The following MCMDC2 variants were observed in gnomAD, a reference collection of about 807,000 sequenced individuals.
The protein encoded by MCMDC2 is minichromosome maintenance domain containing 2, also known as minichromosome maintenance domain-containing protein 2.
Under a neutral mutation model 75.8 loss-of-function variants are expected in MCMDC2, and 54 were observed. That is an observed-to-expected ratio of 0.71 (90% CI 0.57 to 0.89). MCMDC2 has a LOEUF of 0.89. Among genes scored for constraint, MCMDC2 ranks in the 40% least tolerant of loss-of-function variants. MCMDC2 has a pLI of 0.00. For missense variants in MCMDC2, 656 were observed against 780.4 expected, an observed-to-expected ratio of 0.84 and a Z score of 1.90; for synonymous variants, 249 against 274.6, an observed-to-expected ratio of 0.91 and a Z score of 0.92.
At chr8:66,876,520 C>G (rs1324822157) in intron 4 of MCMDC2, among the ~76,000 whole-genome samples, 1 of 152,038 alleles carries the variant, frequency 6.6e-6, no homozygotes, top group Non-Finnish European at 1.5e-5. Flanking sequence ...GGGGTCCCTT[C>G]AAGGTTGCTC....
Position 66,881,762 on chromosome 8 carries a change from T to C in MCMDC2, c.835+788T>C, listed in dbSNP as rs189772771. ...AATCAAGAAATAAGATAAAGGCAGATGAGGACCAAAATATCACCTTTATTA... is the reference window on the plus strand; with the variant it reads ...AATCAAGAAATAAGATAAAGGCAGACGAGGACCAAAATATCACCTTTATTA... On this transcript the variant is annotated intron_variant, in intron 8 of 14. Transcript: ENST00000422365. Among the ~76,000 whole-genome samples, 300 of 152,322 alleles carry C rather than the reference T, an allele frequency of 2.0e-3. 3 individuals carry two copies. The highest frequency in any genetic ancestry group is 6.4e-3 in the African/African-American group (265 of 41,558).
intron 10 of MCMDC2, among the ~76,000 whole-genome samples, chr8:66,892,560 G>A (rs896058564): frequency 4.6e-5 from 7 of 152,222 alleles, no homozygotes; most frequent in African/African-American, 1.7e-4. Context: ...CCCAACCTGT[G>A]TTTGAGTCTG....
At position 66,890,877 on chromosome 8, in the gene MCMDC2, T is replaced by C. The variant is rs376987593; in HGVS notation, c.1086T>C (p.Phe362=). The C allele has an allele frequency of 7.5e-6, 12 of 1,602,158 alleles. No individual in the cohort carries two copies. In the East Asian group the frequency reaches 8.9e-5, roughly 12 times the overall value. The part of the protein sequence containing the change: ...DTLLIDRLLN[F]SINLVPRGIR... ...TTTTTTTCCCTAGGCTTCTGAATTT[T>C]AGCATAAACCTTGTCCCCCGTGGTA... The change falls in exon 10 of 15, where the codon TTT becomes TTC. Residue 362 remains phenylalanine, a synonymous_variant. Transcript: ENST00000422365.
intron 14 of MCMDC2, among the ~76,000 whole-genome samples, chr8:66,911,634 G>T (rs1169846301): frequency 3.3e-5 from 5 of 152,068 alleles, no homozygotes; most frequent in Non-Finnish European, 5.9e-5. Context: ...GACCAGCCTG[G>T]CCAAGATGAT....
chr8:66,919,743 G>A lies in MCMDC2; in HGVS notation c.*574G>A, dbSNP rs1813447808. ...AAATATGGAATCGGGAAAAGCCTTG[G>A]AAGTTTTCCATACGTATACGCTAGG... On this transcript the variant is annotated 3_prime_UTR_variant, in exon 15 of 15. Coordinates refer to ENST00000422365, the MANE Select transcript of MCMDC2 (RefSeq NM_173518.5). 1 of 152,086 alleles carries A rather than the reference G, an allele frequency of 6.6e-6. No individual in the cohort carries two copies. The highest frequency in any genetic ancestry group is 6.6e-5 in the Admixed American group (1 of 15,256). 9.4% of individuals were successfully genotyped at this position (152,086 alleles called of 1,614,324 possible).
intron 4 of MCMDC2, among the ~76,000 whole-genome samples, chr8:66,875,487 C>T (rs1260030800): frequency 6.6e-6 from 1 of 152,118 alleles, no homozygotes; most frequent in East Asian, 1.9e-4. Flanking sequence ...CCATGTTGGT[C>T]AGGCTGGTCT....
In MCMDC2 at chr8:66,905,918, T is replaced by C. The variant is rs542509647; in HGVS notation, c.1879+583T>C. 3.0e-3 allele frequency among the ~76,000 whole-genome samples: 447 copies of C among 151,450 alleles called. 3 individuals are homozygous for C. The highest frequency in any genetic ancestry group is 0.01 in the African/African-American group (429 of 41,214). ...TACTCAGGAGGCTGAGGCAAGAGAA[T>C]CGTTTGAAACTGGGAGGTGGAGGTT... On this transcript the variant is annotated intron_variant, in intron 14 of 14. Coordinates refer to ENST00000422365, the MANE Select transcript of MCMDC2 (RefSeq NM_173518.5).
rs576397257 is a variant in MCMDC2 at position 66,901,468 on chromosome 8, A to T, written c.1769+120A>T. The T allele has an allele frequency of 2.1e-6, 3 of 1,459,752 alleles. No individual in the cohort carries two copies. In the South Asian group the frequency reaches 4.7e-5, roughly 23 times the overall value. The allele number at this position is 1,459,752 out of a possible 1,614,324, so 90.4% of individuals were successfully genotyped here. On this transcript the variant is annotated intron_variant, in intron 13 of 14. Transcript: ENST00000422365. Reference sequence around the variant, plus strand: ...CTTGATTGCTAGTTGGTTGGTTTGTAAATGGCCTTGTTCCAAAAGGACTAA... The same window carrying T: ...CTTGATTGCTAGTTGGTTGGTTTGTTAATGGCCTTGTTCCAAAAGGACTAA...
Position 66,915,315 on chromosome 8 carries a change from A to G in MCMDC2, c.1880-3688A>G, listed in dbSNP as rs1226329426. 5.9e-5 allele frequency among the ~76,000 whole-genome samples: 9 copies of G among 151,834 alleles called. No homozygotes were observed. The East Asian group carries it at 1.7e-3, about 29-fold the overall frequency. ...AAAAAGACAAAAATTAGTTGGGCGTAGTGGCGCGCGTCTGTAATCCCAACT... is the reference window on the plus strand; with the variant it reads ...AAAAAGACAAAAATTAGTTGGGCGTGGTGGCGCGCGTCTGTAATCCCAACT... On this transcript the variant is annotated intron_variant, in intron 14 of 14. Coordinates refer to ENST00000422365, the MANE Select transcript of MCMDC2 (RefSeq NM_173518.5).
At chr8:66,896,692 A>T in intron 11 of MCMDC2, 88 bp from the exon 12 acceptor site, 1 of 930,618 alleles carries the variant, frequency 1.1e-6, no homozygotes. Context: ...TAATAACAAC[A>T]TATAATAATT....
At chr8:66,890,667 T>G (rs1812061846) in intron 9 of MCMDC2, among the ~76,000 whole-genome samples, 198 bp from the exon 10 acceptor site, 1 of 152,140 alleles carries the variant, frequency 6.6e-6, no homozygotes, top group Non-Finnish European at 1.5e-5. Flanking sequence ...ACTACAGGCA[T>G]GCACTAGCAT....
At chr8:66,924,662 A>G (rs1813665684), downstream of MCMDC2, among the ~76,000 whole-genome samples, 1 of 151,816 alleles carries the variant, frequency 6.6e-6, no homozygotes, top group Non-Finnish European at 1.5e-5. Flanking sequence ...GTTTCTGAAT[A>G]GCTAACAGGT....
chr8:66,890,398 T>A (rs916223972), intron 9 of MCMDC2, among the ~76,000 whole-genome samples: 9 of 152,020 alleles, frequency 5.9e-5, no homozygotes, highest in Admixed American at 1.3e-4. Flanking sequence ...TTTTTTTTTT[T>A]ACACGGAGTC....
intron 4 of MCMDC2, 70 bp downstream of exon 4, chr8:66,874,656 A>G: frequency 7.6e-7 from 1 of 1,311,980 alleles, no homozygotes; most frequent in South Asian, 1.4e-5. Flanking sequence ...AAATATTTTT[A>G]TATTCATAGA....
intron 12 of MCMDC2, among the ~76,000 whole-genome samples, chr8:66,900,941 C>T (rs1450700635): frequency 1.3e-5 from 2 of 152,158 alleles, no homozygotes; most frequent in African/African-American, 2.4e-5. Flanking sequence ...GGAGCAAAGA[C>T]GTTGTAAAGT....
intron 9 of MCMDC2, among the ~76,000 whole-genome samples, chr8:66,890,522 T>C (rs1812055510): frequency 6.6e-6 from 1 of 152,148 alleles, no homozygotes; most frequent in Admixed American, 6.5e-5. Flanking sequence ...AAGTCTCGTA[T>C]ACATTTTTTT....
intron 10 of MCMDC2, 59 bp from the exon 11 acceptor site, chr8:66,896,111 T>G: frequency 6.9e-7 from 1 of 1,459,100 alleles, no homozygotes; most frequent in Non-Finnish European, 9.4e-7. Flanking sequence ...GTTAGCAATT[T>G]GTAGACATTT....
chr8:66,878,657 T>C lies in MCMDC2; in HGVS notation c.565T>C (p.Ser189Pro). 6.4e-7 allele frequency: 1 copy of C among 1,571,194 alleles called. No individual in the cohort carries two copies. The highest frequency in any genetic ancestry group is 8.6e-7 in the Non-Finnish European group (1 of 1,166,134). The change falls in exon 6 of 15, where the codon TCT becomes CCT. Residue 189 changes from serine (S) to proline (P), a missense_variant. Coordinates refer to ENST00000422365, the MANE Select transcript of MCMDC2 (RefSeq NM_173518.5). ...TGACTTTTTGTGTAATCTATGTGCATCTTCACTTCAAGAAGACAGAAAATT... is the reference window on the plus strand; with the variant it reads ...TGACTTTTTGTGTAATCTATGTGCACCTTCACTTCAAGAAGACAGAAAATT... Reference protein sequence around the residue: ...RNDFLCNLCASSLQEDRKFRV... With the variant: ...RNDFLCNLCAPSLQEDRKFRV...
At chr8:66,899,375 G>T (rs1352177471) in intron 12 of MCMDC2, among the ~76,000 whole-genome samples, 1 of 152,154 alleles carries the variant, frequency 6.6e-6, no homozygotes, top group Non-Finnish European at 1.5e-5. Context: ...CTTAGAGAGG[G>T]TTATTGATGC....
Sources: allele counts gnomAD v4.1 joint callset (sites outside exome capture counted in the v4.1 genomes callset), GRCh38; gene constraint gnomAD v4.1.1; transcripts MANE v1.5; gene names NCBI Gene and HGNC (gene_info 2026-07-23, HGNC 2026-07-21).